FAM117B: variants seen among roughly 807,000 people sequenced by gnomAD.
FAM117B encodes the protein family with sequence similarity 117 member B.
A neutral mutation model predicts 52.8 loss-of-function variants in FAM117B; 22 were observed. That is an observed-to-expected ratio of 0.42 (90% CI 0.30 to 0.59). The LOEUF (loss-of-function observed/expected upper bound fraction) is 0.59, where lower values mean the gene tolerates loss of function less well. Among genes scored for constraint, FAM117B ranks in the 20% least tolerant of loss-of-function variants. FAM117B has a pLI of 0.22. For missense variants in FAM117B, 678 were observed against 802.6 expected, an observed-to-expected ratio of 0.84 and a Z score of 1.88; for synonymous variants, 309 against 324.1, an observed-to-expected ratio of 0.95 and a Z score of 0.50.
chr2:202,697,571 G>A (rs1278198694), intron 2 of FAM117B, among the ~76,000 whole-genome samples: 1 of 144,212 alleles, frequency 6.9e-6, no homozygotes, highest in Non-Finnish European at 1.5e-5. Flanking sequence ...TTTCCCCTGA[G>A]ATAGAATCTC....
chr2:202,677,614 AG>A (rs756542818), intron 1 of FAM117B, among the ~76,000 whole-genome samples: 145 of 152,320 alleles, frequency 9.5e-4, no homozygotes, highest in Non-Finnish European at 1.1e-3. Context: ...TTTGCACTCA[AG>A]CCTTGGCTCT....
At position 202,635,198 on chromosome 2, in the gene FAM117B, G is replaced by A. The variant is rs1043839585; in HGVS notation, c.11G>A (p.Arg4Gln). 69 of 1,289,948 alleles carry A rather than the reference G, an allele frequency of 5.3e-5. No homozygotes were observed. Among genetic ancestry groups the A allele is most frequent in the Non-Finnish European group, 6.7e-5 (68 of 1,016,762 alleles). 79.9% of individuals were successfully genotyped at this position (1,289,948 alleles called of 1,614,324 possible). The change falls in exon 1 of 8, where the codon CGG becomes CAG. Residue 4 changes from arginine (R) to glutamine (Q), a missense_variant. Physicochemically the swap from Arg to Gln is conservative, Grantham distance 43. Transcript: ENST00000392238. Reference protein sequence around the residue: MSQRVRRNGSPTPA... With the variant: MSQQVRRNGSPTPA... ...GGGAGGGGGGGGACCATGTCCCAGC[G>A]GGTGAGGCGCAATGGGTCCCCCACG... is the stretch of plus-strand genomic sequence containing the variant.
intron 4 of FAM117B, among the ~76,000 whole-genome samples, chr2:202,731,312 G>A (rs1691340508): frequency 9.7e-6 from 1 of 102,754 alleles, no homozygotes; most frequent in Non-Finnish European, 2.0e-5. Context: ...AAGTGTCAGG[G>A]GAGGATGTGG....
chr2:202,667,462 CTG>C (rs764616974), intron 1 of FAM117B, among the ~76,000 whole-genome samples: 7 of 151,460 alleles, frequency 4.6e-5, no homozygotes, highest in East Asian at 1.9e-4. Context: ...GTCTGTGTGT[CTG>C]TGTGTGTGTG....
intron 2 of FAM117B, among the ~76,000 whole-genome samples, chr2:202,708,479 A>G (rs1224484411): frequency 1.3e-5 from 2 of 152,182 alleles, no homozygotes; most frequent in Non-Finnish European, 1.5e-5. Flanking sequence ...TCATCTGCCA[A>G]TGGATATTTC....
At chr2:202,673,958 A>C (rs975252596) in intron 1 of FAM117B, among the ~76,000 whole-genome samples, 2 of 152,148 alleles carry the variant, frequency 1.3e-5, no homozygotes, top group Admixed American at 1.3e-4. Flanking sequence ...TCCGCATAGC[A>C]ATCTAGTGAG....
intron 2 of FAM117B, among the ~76,000 whole-genome samples, chr2:202,697,689 A>T (rs1292560488): frequency 6.6e-6 from 1 of 151,170 alleles, no homozygotes. Context: ...GAGCTGGACT[A>T]CAGGCGTGCA....
At chr2:202,718,198 C>T (rs904590025) in intron 2 of FAM117B, among the ~76,000 whole-genome samples, 5 of 152,160 alleles carry the variant, frequency 3.3e-5, no homozygotes, top group African/African-American at 1.2e-4. Flanking sequence ...CCCCTCTGGC[C>T]CAGGGCAGGT....
intron 4 of FAM117B, among the ~76,000 whole-genome samples, chr2:202,743,963 A>G (rs1691589983): frequency 6.6e-6 from 1 of 152,256 alleles, no homozygotes; most frequent in Non-Finnish European, 1.5e-5. Context: ...TGAGTGAAGT[A>G]ATAGCTGAAA....
At chr2:202,665,992 T>G (rs1393166362) in intron 1 of FAM117B, among the ~76,000 whole-genome samples, 1 of 152,234 alleles carries the variant, frequency 6.6e-6, no homozygotes, top group African/African-American at 2.4e-5. Flanking sequence ...TCACTGGTAG[T>G]GACTTATTGA....
chr2:202,765,548 C>G lies in FAM117B; in HGVS notation c.1554C>G (p.Leu518=). The change falls in exon 8 of 8, where the codon CTC becomes CTG. Residue 518 remains leucine (L), a synonymous_variant. Coordinates refer to ENST00000392238, the MANE Select transcript of FAM117B (RefSeq NM_173511.4). The part of the protein sequence containing the change: ...SGSAFCLVSI[L]KPLLPTPDLT... ...CTGCTTTCTGCCTCGTCAGCATCCT[C>G]AAGCCACTCCTTCCTACCCCGGATC... is the stretch of plus-strand genomic sequence containing the variant. 2.5e-6 allele frequency: 4 copies of G among 1,614,128 alleles called. No individual in the cohort carries two copies. The highest frequency in any genetic ancestry group is 3.4e-6 in the Non-Finnish European group (4 of 1,180,038).
At chr2:202,758,270 TGAA>T (rs1691833493) in intron 6 of FAM117B, among the ~76,000 whole-genome samples, 1 of 152,236 alleles carries the variant, frequency 6.6e-6, no homozygotes, top group Admixed American at 6.5e-5. Context: ...GACGATTCAC[TGAA>T]GAAGTTACTT....
intron 1 of FAM117B, among the ~76,000 whole-genome samples, chr2:202,651,102 G>A (rs779941132): frequency 2.2e-5 from 3 of 136,034 alleles, no homozygotes; most frequent in Non-Finnish European, 3.0e-5. Flanking sequence ...TTGCTCAGTC[G>A]CCCAGGCTGG....
At chr2:202,652,967 T>TA (rs905652815) in intron 1 of FAM117B, among the ~76,000 whole-genome samples, 21 of 151,652 alleles carry the variant, frequency 1.4e-4, no homozygotes, top group Middle Eastern at 3.4e-3. Context: ...TGTTAAAAAA[T>TA]AAAAAAAACA....
intron 1 of FAM117B, among the ~76,000 whole-genome samples, chr2:202,654,347 CTGTT>C (rs1265506653): frequency 6.7e-6 from 1 of 150,010 alleles, no homozygotes; most frequent in Admixed American, 6.6e-5. Flanking sequence ...TGTTCTCTAT[CTGTT>C]TGGAGGCTCT....
At position 202,691,743 on chromosome 2, in the gene FAM117B, C is replaced by T. The variant is rs979768428; in HGVS notation, c.602-4138C>T. Reference sequence around the variant, plus strand: ...CTGCCAGCTGAGACTAGTTTTCTTGCGACTATCCCGAAAGGGATTTTTTTT... The same window carrying T: ...CTGCCAGCTGAGACTAGTTTTCTTGTGACTATCCCGAAAGGGATTTTTTTT... On this transcript the variant is annotated intron_variant, in intron 1 of 7. Transcript: ENST00000392238. Among the ~76,000 whole-genome samples the T allele has an allele frequency of 3.3e-5, 5 of 149,904 alleles. No individual in the cohort carries two copies. In the South Asian group the frequency reaches 6.4e-4, roughly 19 times the overall value.
At chr2:202,757,168 G>A (rs1170588938) in intron 5 of FAM117B, 45 bp from the exon 6 acceptor site, 7 of 1,565,938 alleles carry the variant, frequency 4.5e-6, no homozygotes, top group East Asian at 2.3e-5. Flanking sequence ...CTGGTGATTC[G>A]AAATTAATTA....
intron 6 of FAM117B, among the ~76,000 whole-genome samples, chr2:202,758,054 T>C (rs1476951464): frequency 6.6e-6 from 1 of 152,244 alleles, no homozygotes; most frequent in Non-Finnish European, 1.5e-5. Flanking sequence ...GACAGTATTT[T>C]CTTAGCCTAA....
At chr2:202,700,026 T>A (rs1040040139) in intron 2 of FAM117B, among the ~76,000 whole-genome samples, 4 of 152,222 alleles carry the variant, frequency 2.6e-5, no homozygotes, top group African/African-American at 9.6e-5. Context: ...GGAACTTAAT[T>A]GATGAATGTT....
Sources: allele counts gnomAD v4.1 joint callset (sites outside exome capture counted in the v4.1 genomes callset), GRCh38; gene constraint gnomAD v4.1.1; transcripts MANE v1.5; gene names NCBI Gene and HGNC (gene_info 2026-07-23, HGNC 2026-07-21).